The following TRPA1 variants were observed in gnomAD, a reference collection of about 807,000 sequenced individuals.
The protein encoded by TRPA1 is ankyrin-like with transmembrane domains 1.
Under a neutral mutation model 131.3 loss-of-function variants are expected in TRPA1, and 129 were observed. The ratio of observed to expected loss-of-function variants is 0.98; its 90% CI spans 0.85 to 1.14. The LOEUF is 1.14. Among genes scored for constraint, TRPA1 ranks in the 50% most tolerant of loss-of-function variants. TRPA1 has a pLI of 0.00. For missense variants in TRPA1, 1,304 were observed against 1,354.2 expected (o/e 0.96, Z 0.58); for synonymous variants, 441 against 451.7 (o/e 0.98, Z 0.30).
chr8:72,063,438 A>G (rs181865487), intron 5 of TRPA1, 25 bp downstream of exon 5: 5 of 1,491,206 alleles, frequency 3.4e-6, no homozygotes, highest in African/African-American at 2.8e-5. Context: ...TTTATAGTAT[A>G]TAACATAGAA....
chr8:72,051,055 T>C (rs1157175599), intron 14 of TRPA1, among the ~76,000 whole-genome samples, 184 bp from the exon 15 acceptor site: 1 of 152,208 alleles, frequency 6.6e-6, no homozygotes, highest in Non-Finnish European at 1.5e-5. Flanking sequence ...AATAGGATCC[T>C]TGCCCATTAA....
chr8:72,053,836 C>T lies in TRPA1; in HGVS notation c.1561G>A (p.Ala521Thr), dbSNP rs1465140510. Reference sequence around the variant, plus strand: ...GTCTGAGTGTACCCGCCCATGGACGCATGATGCAAAGCTGTCCAGCCATTG... The same window carrying T: ...GTCTGAGTGTACCCGCCCATGGACGTATGATGCAAAGCTGTCCAGCCATTG... Reference protein sequence around the residue: ...DHNGWTALHHASMGGYTQTMK... With the variant: ...DHNGWTALHHTSMGGYTQTMK... The change falls in exon 13 of 27, where the codon GCG becomes ACG. Residue 521 changes from alanine (A) to threonine (T), a missense_variant. Coordinates refer to ENST00000262209, the MANE Select transcript of TRPA1 (RefSeq NM_007332.3). The T allele has an allele frequency of 6.2e-7, 1 of 1,612,024 alleles. No homozygotes were observed. Among genetic ancestry groups the T allele is most frequent in the South Asian group, 1.1e-5 (1 of 90,862 alleles).
At position 72,022,764 on chromosome 8, in the gene TRPA1, A is replaced by T; in HGVS notation, c.*142T>A. 1 of 775,658 alleles carries T rather than the reference A, an allele frequency of 1.3e-6. No homozygotes were observed. Among genetic ancestry groups the T allele is most frequent in the Non-Finnish European group, 2.2e-6 (1 of 456,376 alleles). 48.0% of individuals were successfully genotyped at this position (775,658 alleles called of 1,614,324 possible). A position where few individuals can be genotyped will look rare whatever the true frequency, so the allele number is the denominator to read the frequency against. On this transcript the variant is annotated 3_prime_UTR_variant, in exon 27 of 27. Coordinates refer to ENST00000262209, the MANE Select transcript of TRPA1 (RefSeq NM_007332.3). ...ATGAATAGAGGATAAAAGATGGTTT[A>T]CTTTTATACAGCATGCAGGAACCAT...
intron 25 of TRPA1, among the ~76,000 whole-genome samples, chr8:72,024,733 G>A (rs1811522556): frequency 6.6e-6 from 1 of 152,168 alleles, no homozygotes; most frequent in Non-Finnish European, 1.5e-5. Context: ...GTAGGCAGCT[G>A]GATACAGGGT....
intron 7 of TRPA1, chr8:72,060,463 T>TC (rs1231100976): frequency 2.0e-5 from 3 of 152,204 alleles, no homozygotes; most frequent in Non-Finnish European, 4.4e-5. Flanking sequence ...TATTGAGTTT[T>TC]CATTTTATTT....
intron 15 of TRPA1, among the ~76,000 whole-genome samples, chr8:72,050,540 A>T (rs892966437): frequency 2.0e-5 from 3 of 152,320 alleles, no homozygotes; most frequent in Non-Finnish European, 4.4e-5. Context: ...TCTCTGTTAC[A>T]GGTGTAGATT....
upstream of TRPA1, among the ~76,000 whole-genome samples, chr8:72,079,386 C>T (rs144910539): frequency 4.6e-3 from 705 of 151,782 alleles, 5 homozygotes; most frequent in African/African-American, 0.016. Context: ...ATTTTTTGTT[C>T]GGGTTGTGGG....
intron 1 of TRPA1, among the ~76,000 whole-genome samples, chr8:72,074,215 G>A (rs1381303438): frequency 6.6e-6 from 1 of 152,138 alleles, no homozygotes; most frequent in East Asian, 1.9e-4. Flanking sequence ...ACACAAAACA[G>A]CTTAAGTGTC....
At chr8:72,070,261 C>T (rs938595172) in intron 2 of TRPA1, among the ~76,000 whole-genome samples, 1 of 152,112 alleles carries the variant, frequency 6.6e-6, no homozygotes, top group Non-Finnish European at 1.5e-5. Context: ...TTCTGTTTCT[C>T]TCCTTTTTAA....
rs1402486417 is a variant in TRPA1 at position 72,023,102 on chromosome 8, G to A, written c.3164C>T (p.Thr1055Ile). 1.9e-6 allele frequency: 3 copies of A among 1,612,994 alleles called. No individual in the cohort carries two copies. The highest frequency in any genetic ancestry group is 1.7e-6 in the Non-Finnish European group (2 of 1,179,700). Residue 1055 changes from threonine to isoleucine, a missense_variant, in exon 27 of 27, where the codon ACT becomes ATT. Thr to Ile is a moderately conservative substitution (Grantham distance 89). Transcript: ENST00000262209. Reference protein sequence around the residue: ...LKQKYRLKDLTFLLEKQHELI... With the variant: ...LKQKYRLKDLIFLLEKQHELI... ...CTCATGCTGTTTTTCCAGGAGAAAA[G>A]TAAGATCCTTCAGCCTAAAAGGACA...
the TRPA1 span, among the ~76,000 whole-genome samples, chr8:72,085,405 G>A: frequency 6.6e-6 from 1 of 151,398 alleles, no homozygotes; most frequent in African/African-American, 2.4e-5. Flanking sequence ...TATATAATCA[G>A]TTATTTATTT....
rs766198548 is a variant in TRPA1, at chr8:72,036,452, C to A, written c.2391G>T (p.Arg797Ser). ...KEAGQIFQQK[R>S]NYFMDISNVL... Reference sequence around the variant, plus strand: ...CATTGCTTATATCCATAAAATAATTCCTTTTCTGGGATAGAAAAGAATAAA... The same window carrying A: ...CATTGCTTATATCCATAAAATAATTACTTTTCTGGGATAGAAAAGAATAAA... Residue 797 changes from arginine to serine, a missense_variant, in exon 21 of 27, where the codon AGG becomes AGT. By Grantham distance (110) the Arg-to-Ser change is moderately radical. Transcript: ENST00000262209. 3 of 1,613,124 alleles carry A rather than the reference C, an allele frequency of 1.9e-6. No homozygotes were observed. The South Asian group carries it at 3.3e-5, about 18-fold the overall frequency.
chr8:72,039,893 G>T, intron 17 of TRPA1, 96 bp from the exon 18 acceptor site: 5 of 867,204 alleles, frequency 5.8e-6, no homozygotes, highest in Admixed American at 1.9e-5. Context: ...ACTGTGTTTG[G>T]TATTGTAAAA....
At chr8:72,042,225 T>C (rs184575214) in intron 17 of TRPA1, among the ~76,000 whole-genome samples, 125 of 151,884 alleles carry the variant, frequency 8.2e-4, no homozygotes, top group African/African-American at 2.9e-3. Context: ...AATTGACAAA[T>C]GGGTCAAGGC....
chr8:72,084,410 T>C, the TRPA1 span, among the ~76,000 whole-genome samples: 1 of 149,602 alleles, frequency 6.7e-6, no homozygotes, highest in Non-Finnish European at 1.5e-5. Context: ...TTGTAATTTG[T>C]AAGATTTTTT....
At chr8:72,058,568 T>C (rs1430927048) in intron 8 of TRPA1, among the ~76,000 whole-genome samples, 1 of 152,180 alleles carries the variant, frequency 6.6e-6, no homozygotes, top group Admixed American at 6.5e-5. Context: ...CAGCATCCCC[T>C]TGGCAAGCTC....
At chr8:72,050,916 C>T in intron 14 of TRPA1, 45 bp from the exon 15 acceptor site, 1 of 1,317,594 alleles carries the variant, frequency 7.6e-7, no homozygotes, top group African/African-American at 1.4e-5. Flanking sequence ...CTTCATCCTT[C>T]TGTTCTGTAC....
chr8:72,040,107 G>A (rs1265482797), intron 17 of TRPA1, among the ~76,000 whole-genome samples: 1 of 152,088 alleles, frequency 6.6e-6, no homozygotes, highest in African/African-American at 2.4e-5. Flanking sequence ...ATTAGCAAGA[G>A]TTATACCCTC....
intron 8 of TRPA1, 60 bp from the exon 9 acceptor site, chr8:72,057,876 G>C: frequency 8.0e-7 from 1 of 1,253,014 alleles, no homozygotes; most frequent in Non-Finnish European, 1.2e-6. Flanking sequence ...ATAATATATT[G>C]TAATCTCTAA....
Sources: allele counts gnomAD v4.1 joint callset (sites outside exome capture counted in the v4.1 genomes callset), GRCh38; gene constraint gnomAD v4.1.1; transcripts MANE v1.5; gene names NCBI Gene and HGNC (gene_info 2026-07-23, HGNC 2026-07-21).